Variants in BEND3 observed in about 807,000 individuals in gnomAD.
BEND3 encodes BEN domain containing 3, also known as BEN domain-containing protein 3.
BEND3 carries 13 observed loss-of-function variants against 60.1 expected under a neutral mutation model. The ratio of observed to expected loss-of-function variants is 0.22; its 90% CI spans 0.14 to 0.34. The LOEUF is 0.34. Among genes scored for constraint, BEND3 ranks in the 10% least tolerant of loss-of-function variants. The probability of loss-of-function intolerance (pLI) is 1.00; values close to 1 mark genes in which losing one functional copy is unlikely to be tolerated. For synonymous variants in BEND3, 497 were observed against 491.5 expected (o/e 1.01, Z -0.15); for missense variants, 896 against 1,138.1 (o/e 0.79, Z 3.06).
At chr6:107,094,964 G>GT (rs1491405822) in intron 3 of BEND3, among the ~76,000 whole-genome samples, 2 of 151,984 alleles carry the variant, frequency 1.3e-5, no homozygotes, top group African/African-American at 4.8e-5. Context: ...GGGACTACAG[G>GT]TGTGTGCCAC....
At chr6:107,108,644 A>T (rs1342732748) in intron 1 of BEND3, among the ~76,000 whole-genome samples, 2 of 152,150 alleles carry the variant, frequency 1.3e-5, no homozygotes, top group Non-Finnish European at 2.9e-5. Flanking sequence ...TCCATGCTCA[A>T]ACCAAAACAG....
At chr6:107,104,289 CAAAAAA>C (rs34091506) in intron 1 of BEND3, among the ~76,000 whole-genome samples, 1 of 101,656 alleles carries the variant, frequency 9.8e-6, no homozygotes. Context: ...GACTCCGTCT[CAAAAAA>C]AAAAAAAAAA....
chr6:107,106,854 G>A (rs535552527), intron 1 of BEND3, among the ~76,000 whole-genome samples: 123 of 151,894 alleles, frequency 8.1e-4, no homozygotes, highest in Non-Finnish European at 1.5e-3. Context: ...GCAACCCTCC[G>A]GCCTCAGCCT....
chr6:107,084,272 T>G (rs144639843), intron 3 of BEND3, among the ~76,000 whole-genome samples: 4 of 152,310 alleles, frequency 2.6e-5, no homozygotes, highest in African/African-American at 9.6e-5. Flanking sequence ...TGTGGACAAG[T>G]CTGAGAGTTA....
chr6:107,109,442 CAAAAA>C (rs55745315), intron 1 of BEND3, among the ~76,000 whole-genome samples: 1 of 48,676 alleles, frequency 2.1e-5, no homozygotes, highest in South Asian at 1.5e-3. Flanking sequence ...GACTCTGTCT[CAAAAA>C]AAAAAAAAAA....
chr6:107,083,988 T>C (rs1369988888), intron 3 of BEND3, among the ~76,000 whole-genome samples: 5 of 152,164 alleles, frequency 3.3e-5, no homozygotes, highest in African/African-American at 1.2e-4. Context: ...GGACTTCAGG[T>C]ATCTGGGCCA....
At chr6:107,072,367 T>C (rs1201628568) in intron 3 of BEND3, among the ~76,000 whole-genome samples, 3 of 152,212 alleles carry the variant, frequency 2.0e-5, no homozygotes, top group Non-Finnish European at 2.9e-5. Flanking sequence ...AATAAGCTCC[T>C]GGGTGCTGTG....
At chr6:107,106,286 G>A (rs1191543267) in intron 1 of BEND3, 1 of 152,148 alleles carries the variant, frequency 6.6e-6, no homozygotes, top group East Asian at 1.9e-4. Flanking sequence ...ACGGGGCGGG[G>A]GTGGGGTGAT....
At position 107,112,481 on chromosome 6, in the gene BEND3, G is replaced by A. The variant is rs189100697; in HGVS notation, c.-12+2609C>T. 1.2e-4 allele frequency among the ~76,000 whole-genome samples: 18 copies of A among 152,292 alleles called. No individual in the cohort carries two copies. In the South Asian group the frequency reaches 1.9e-3, roughly 16 times the overall value. ...AGCCTATCGTCTTGCTGGGCATGGA[G>A]AAGGTAGGCGGAATCACATAAAACT... is the stretch of plus-strand genomic sequence containing the variant. On this transcript the variant is annotated intron_variant, in intron 1 of 3. Transcript: ENST00000369042.
At chr6:107,105,222 T>C (rs2115034445) in intron 1 of BEND3, among the ~76,000 whole-genome samples, 1 of 151,784 alleles carries the variant, frequency 6.6e-6, no homozygotes, top group South Asian at 2.1e-4. Context: ...AATACAAAAA[T>C]TAGCTGGGCG....
At chr6:107,086,619 A>C (rs1327664426) in intron 3 of BEND3, among the ~76,000 whole-genome samples, 5 of 151,944 alleles carry the variant, frequency 3.3e-5, no homozygotes, top group Admixed American at 6.6e-5. Flanking sequence ...TCTTAAAAAA[A>C]AGACAGACCA....
chr6:107,087,097 C>T (rs904192468), intron 3 of BEND3, among the ~76,000 whole-genome samples: 11 of 149,508 alleles, frequency 7.4e-5, no homozygotes, highest in Non-Finnish European at 2.9e-5. Context: ...TTTCAGAGGC[C>T]GAGGCGGGTG....
chr6:107,070,063 C>T lies in BEND3; in HGVS notation c.1128G>A (p.Glu376=), dbSNP rs1774934833. ...TGCTGCTCCGGTCAAGAGACAGGGC[C>T]TCCTCCTGGTCTTTGTTGTCCAGGA... ...GHFLDNKDQE[E]ALSLDRSSTI... Residue 376 remains glutamate (E), a synonymous_variant, in exon 4 of 4, where the codon GAG becomes GAA. Coordinates refer to ENST00000369042, the MANE Select transcript of BEND3 (RefSeq NM_001367314.1). The surrounding 1 kb of genome is among the most constrained non-coding windows in gnomAD (Gnocchi z 6.9). 1 of 1,613,742 alleles carries T rather than the reference C, an allele frequency of 6.2e-7. No individual in the cohort carries two copies. Among genetic ancestry groups the T allele is most frequent in the East Asian group, 2.2e-5 (1 of 44,878 alleles).
At chr6:107,108,804 GTTGATTGA>G (rs1188048443) in intron 1 of BEND3, among the ~76,000 whole-genome samples, 1 of 152,142 alleles carries the variant, frequency 6.6e-6, no homozygotes, top group Admixed American at 6.6e-5. Flanking sequence ...AATTAAGAGG[GTTGATTGA>G]TTGATTGATT....
In BEND3 at chr6:107,068,531, C is replaced by T; in HGVS notation, c.*173G>A. On this transcript the variant is annotated 3_prime_UTR_variant, in exon 4 of 4. Transcript: ENST00000369042. The surrounding 1 kb of genome is among the most constrained non-coding windows in gnomAD (Gnocchi z 5.8). ...GTACAAGAGACCAAACTCAAGGCTT[C>T]TTTCTTGCGGTTGGGTGGGTGTTTA... 1 of 715,998 alleles carries T rather than the reference C, an allele frequency of 1.4e-6. No individual in the cohort carries two copies. Among genetic ancestry groups the T allele is most frequent in the Non-Finnish European group, 2.2e-6 (1 of 446,986 alleles). The allele number at this position is 715,998 out of a possible 1,614,324, so 44.4% of individuals were successfully genotyped here. A position where few individuals can be genotyped will look rare whatever the true frequency, so the allele number is the denominator to read the frequency against.
At chr6:107,107,369 T>C (rs1170621888) in intron 1 of BEND3, among the ~76,000 whole-genome samples, 1 of 151,860 alleles carries the variant, frequency 6.6e-6, no homozygotes, top group African/African-American at 2.4e-5. Context: ...TTGTGAAAAC[T>C]ACAAAGGAGA....
At position 107,115,381 on chromosome 6, in the gene BEND3, C is replaced by G. The variant is rs1292430479; in HGVS notation, c.-303G>C. 2.0e-5 allele frequency: 3 copies of G among 148,818 alleles called. No individual in the cohort carries two copies. Among genetic ancestry groups the G allele is most frequent in the Non-Finnish European group, 4.5e-5 (3 of 66,678 alleles). 9.2% of individuals were successfully genotyped at this position (148,818 alleles called of 1,614,324 possible). On this transcript the variant is annotated 5_prime_UTR_variant, in exon 1 of 4. Coordinates refer to ENST00000369042, the MANE Select transcript of BEND3 (RefSeq NM_001367314.1). The stretch of plus-strand genomic sequence containing the variant: ...AACCACAACCCCTCCGCCCCCACCC[C>G]CGGCCCGCCCCTCCCCCTCAGCGGG...
In BEND3 at chr6:107,087,792, CTTT is replaced by C. The variant is rs34765639; in HGVS notation, c.240+10756_240+10758del. Among the ~76,000 whole-genome samples, 289 of 92,378 alleles carry C rather than the reference CTTT, an allele frequency of 3.1e-3. 1 individual carries two copies. Among genetic ancestry groups the C allele is most frequent in the African/African-American group, 0.011 (270 of 24,246 alleles). The allele number at this position is 92,378 out of a possible 152,430, so 60.6% of individuals were successfully genotyped here. ...GTCAATGGACACACAAATGAAAATACTTTTTTTTTTTTTTTTTTTTTTAGAGAC... is the reference window on the plus strand; with the variant it reads ...GTCAATGGACACACAAATGAAAATACTTTTTTTTTTTTTTTTTTTAGAGAC... On this transcript the variant is annotated intron_variant, in intron 3 of 3. Coordinates refer to ENST00000369042, the MANE Select transcript of BEND3 (RefSeq NM_001367314.1).
intron 3 of BEND3, among the ~76,000 whole-genome samples, chr6:107,085,269 C>G (rs1554234050): frequency 6.6e-6 from 1 of 152,172 alleles, no homozygotes; most frequent in Non-Finnish European, 1.5e-5. Flanking sequence ...GTAACACTCA[C>G]TGTGAGGGTC....
Sources: allele counts gnomAD v4.1 joint callset (sites outside exome capture counted in the v4.1 genomes callset), GRCh38; gene constraint gnomAD v4.1.1; non-coding constraint Gnocchi (gnomAD v3.1); transcripts MANE v1.5; gene names NCBI Gene and HGNC (gene_info 2026-07-23, HGNC 2026-07-21).